The following PHLPP1 variants were observed in gnomAD, a reference collection of about 807,000 sequenced individuals.
The protein encoded by PHLPP1 is PH domain leucine-rich repeat-containing protein phosphatase 1.
PHLPP1 carries 42 observed loss-of-function variants against 117.2 expected under a neutral mutation model. The ratio of observed to expected loss-of-function variants is 0.36; its 90% CI spans 0.28 to 0.46. The LOEUF (loss-of-function observed/expected upper bound fraction) is 0.46. PHLPP1 is among the 20% of genes least tolerant of loss of function. The probability of loss-of-function intolerance (pLI) is 1.00; values close to 1 mark genes in which losing one functional copy is unlikely to be tolerated. For synonymous variants in PHLPP1, 1,042 were observed against 970.7 expected, an observed-to-expected ratio of 1.07 and a Z score of -1.37; for missense variants, 2,084 against 2,241.9, an observed-to-expected ratio of 0.93 and a Z score of 1.42.
intron 4 of PHLPP1, among the ~76,000 whole-genome samples, chr18:62,875,899 A>AT (rs1397397956): frequency 6.6e-6 from 1 of 151,666 alleles, no homozygotes; most frequent in Non-Finnish European, 1.5e-5. Flanking sequence ...CATCCGGCTA[A>AT]TTTTTGTATT....
chr18:62,960,020 T>C (rs1347953918), intron 13 of PHLPP1, among the ~76,000 whole-genome samples: 1 of 152,240 alleles, frequency 6.6e-6, no homozygotes, highest in Non-Finnish European at 1.5e-5. Context: ...TTTAAGGTAC[T>C]TTTTAAGATC....
At chr18:62,878,503 G>T (rs551488441) in intron 4 of PHLPP1, among the ~76,000 whole-genome samples, 1 of 152,260 alleles carries the variant, frequency 6.6e-6, no homozygotes, top group East Asian at 1.9e-4. Flanking sequence ...CTGTAATTTT[G>T]ATGTCACTCA....
intron 3 of PHLPP1, among the ~76,000 whole-genome samples, chr18:62,848,303 T>A (rs1915231902): frequency 6.6e-6 from 1 of 152,108 alleles, no homozygotes; most frequent in Non-Finnish European, 1.5e-5. Flanking sequence ...ATTTACTGTA[T>A]CAAATTGATG....
Position 62,965,604 on chromosome 18 carries a change from G to A in PHLPP1, c.3560+2132G>A, listed in dbSNP as rs139605935. ...CCTCCCAAGTAGCTGGGATTACAGC[G>A]CCCACCACCATGCCCGACTAATTTT... On this transcript the variant is annotated intron_variant, in intron 14 of 16. Transcript: ENST00000262719. Among the ~76,000 whole-genome samples, 46 of 150,808 alleles carry A rather than the reference G, an allele frequency of 3.1e-4. No individual in the cohort carries two copies. The East Asian group carries it at 7.8e-3, about 26-fold the overall frequency.
intron 1 of PHLPP1, among the ~76,000 whole-genome samples, chr18:62,793,438 A>G (rs182785667): frequency 3.9e-4 from 60 of 152,284 alleles, no homozygotes; most frequent in African/African-American, 1.3e-3. Flanking sequence ...TTACCTGTTG[A>G]TGGAACTTGA....
chr18:62,836,056 T>C (rs1170578310), intron 2 of PHLPP1, among the ~76,000 whole-genome samples: 1 of 151,890 alleles, frequency 6.6e-6, no homozygotes, highest in Admixed American at 6.6e-5. Context: ...ATTGGGATTA[T>C]AGGGGTGAGC....
intron 1 of PHLPP1, among the ~76,000 whole-genome samples, chr18:62,754,303 T>C (rs1375425610): frequency 1.3e-5 from 2 of 152,198 alleles, no homozygotes; most frequent in African/African-American, 4.8e-5. Context: ...GTATGAATGT[T>C]GGGGTAGCAG....
chr18:62,849,002 AC>A (rs1361503977), intron 3 of PHLPP1, among the ~76,000 whole-genome samples: 1 of 152,224 alleles, frequency 6.6e-6, no homozygotes, highest in Non-Finnish European at 1.5e-5. Flanking sequence ...TACTTTATAT[AC>A]AGAGTTGGCA....
At chr18:62,845,366 A>G (rs1276080685) in intron 3 of PHLPP1, among the ~76,000 whole-genome samples, 1 of 152,150 alleles carries the variant, frequency 6.6e-6, no homozygotes, top group Admixed American at 6.5e-5. Context: ...TGCACCCTAA[A>G]CATGCACAGT....
At chr18:62,832,877 T>TCATA (rs1450918030) in intron 2 of PHLPP1, among the ~76,000 whole-genome samples, 13 of 152,156 alleles carry the variant, frequency 8.5e-5, no homozygotes, top group African/African-American at 3.1e-4. Context: ...GATAGATTGG[T>TCATA]CATAACCTAG....
intron 1 of PHLPP1, among the ~76,000 whole-genome samples, chr18:62,738,118 C>T (rs888506244): frequency 3.3e-5 from 5 of 151,132 alleles, no homozygotes; most frequent in Non-Finnish European, 7.4e-5. Flanking sequence ...AACCACAGAC[C>T]GAAAATATTC....
intron 1 of PHLPP1, among the ~76,000 whole-genome samples, chr18:62,788,833 T>C (rs1479379968): frequency 6.6e-6 from 1 of 152,188 alleles, no homozygotes; most frequent in Non-Finnish European, 1.5e-5. Flanking sequence ...TTCTTATATC[T>C]TAGGTTCTTT....
At chr18:62,729,126 T>C (rs1911160254) in intron 1 of PHLPP1, among the ~76,000 whole-genome samples, 1 of 152,198 alleles carries the variant, frequency 6.6e-6, no homozygotes, top group Admixed American at 6.5e-5. Flanking sequence ...ATTCCAAATA[T>C]AGAAAAGTCA....
intron 8 of PHLPP1, among the ~76,000 whole-genome samples, chr18:62,912,667 T>TCA (rs1466239919): frequency 6.6e-6 from 1 of 152,206 alleles, no homozygotes; most frequent in Non-Finnish European, 1.5e-5. Flanking sequence ...TTGCCTAGGC[T>TCA]GGAGTGCAGT....
At chr18:62,919,372 C>T (rs755116202) in intron 9 of PHLPP1, among the ~76,000 whole-genome samples, 14 of 152,126 alleles carry the variant, frequency 9.2e-5, no homozygotes, top group Non-Finnish European at 1.5e-4. Context: ...GCTGCTCTTT[C>T]GGGAGACAGT....
chr18:62,943,136 C>G (rs1910178149), intron 11 of PHLPP1, among the ~76,000 whole-genome samples: 1 of 152,176 alleles, frequency 6.6e-6, no homozygotes, highest in Admixed American at 6.5e-5. Context: ...GATATACCCC[C>G]AGTGACCCGT....
intron 3 of PHLPP1, among the ~76,000 whole-genome samples, chr18:62,848,848 C>G (rs569255005): frequency 1.3e-5 from 2 of 152,116 alleles, no homozygotes; most frequent in African/African-American, 4.8e-5. Context: ...ATATATAAAG[C>G]GTTCAATTAC....
At chr18:62,813,012 CTT>C (rs1253226307) in intron 1 of PHLPP1, among the ~76,000 whole-genome samples, 2 of 152,124 alleles carry the variant, frequency 1.3e-5, no homozygotes, top group Non-Finnish European at 2.9e-5. Flanking sequence ...TGAAAGGACT[CTT>C]AAGGTATTGT....
chr18:62,952,218 G>C (rs1910483523), intron 12 of PHLPP1, among the ~76,000 whole-genome samples: 2 of 152,142 alleles, frequency 1.3e-5, no homozygotes, highest in Non-Finnish European at 2.9e-5. Context: ...TTAAGGCCAG[G>C]AGTTCAAGAC....
Sources: gnomAD v4.1 joint callset for allele counts (sites outside exome capture counted in the v4.1 genomes callset) on GRCh38, gnomAD v4.1.1 for gene constraint, MANE v1.5 for transcripts, NCBI Gene and HGNC (gene_info 2026-07-23, HGNC 2026-07-21) for gene names.